SAMMSON: variants seen among roughly 807,000 people sequenced by gnomAD.
SAMMSON encodes long intergenic non-protein coding RNA 1212.
intron 7 of SAMMSON, among the ~76,000 whole-genome samples, chr3:70,295,546 G>A (rs1399237338): frequency 6.6e-6 from 1 of 151,970 alleles, no homozygotes; most frequent in Non-Finnish European, 1.5e-5. Flanking sequence ...CTACAAAAAA[G>A]TTAAAAATGA....
chr3:70,181,223 G>A (rs578145439), intron 4 of SAMMSON, among the ~76,000 whole-genome samples: 13 of 152,312 alleles, frequency 8.5e-5, no homozygotes, highest in African/African-American at 3.1e-4. Context: ...CACAGAAAAG[G>A]ATCCAATTTT....
At chr3:70,199,859 T>C (rs577984520) in intron 4 of SAMMSON, among the ~76,000 whole-genome samples, 15 of 152,312 alleles carry the variant, frequency 9.8e-5, no homozygotes, top group Admixed American at 3.3e-4. Flanking sequence ...GTATACCATA[T>C]ATGCTATTGC....
At chr3:70,359,556 G>A (rs1459041550) in intron 9 of SAMMSON, among the ~76,000 whole-genome samples, 2 of 152,080 alleles carry the variant, frequency 1.3e-5, no homozygotes, top group Non-Finnish European at 1.5e-5. Flanking sequence ...GCGCTTAAAT[G>A]TTTGTAATAA....
intron 4 of SAMMSON, among the ~76,000 whole-genome samples, chr3:70,083,055 T>C (rs2067272434): frequency 6.6e-6 from 1 of 152,176 alleles, no homozygotes; most frequent in African/African-American, 2.4e-5. Flanking sequence ...GAAGTAATCT[T>C]CGTTGTCATT....
At chr3:70,170,055 A>G (rs1393820787) in intron 4 of SAMMSON, among the ~76,000 whole-genome samples, 1 of 151,950 alleles carries the variant, frequency 6.6e-6, no homozygotes, top group Non-Finnish European at 1.5e-5. Context: ...AGTTATGTGT[A>G]TTAAATACTG....
chr3:70,215,176 T>G (rs1701394303), intron 4 of SAMMSON, among the ~76,000 whole-genome samples: 1 of 152,174 alleles, frequency 6.6e-6, no homozygotes. Flanking sequence ...ACAACAGTTT[T>G]GCAAAGTATT....
chr3:70,414,784 A>G (rs1340848506), intron 2 of SAMMSON, among the ~76,000 whole-genome samples: 1 of 152,182 alleles, frequency 6.6e-6, no homozygotes, highest in Admixed American at 6.5e-5. Context: ...AGTGAACCTC[A>G]TCTACCTCAT....
rs1278515720 is a variant in SAMMSON, at chr3:70,028,097, C to CTTCT, written n.417+14428_417+14429insTTTC. Among the ~76,000 whole-genome samples, 35 of 150,904 alleles carry CTTCT rather than the reference C, an allele frequency of 2.3e-4. 1 individual carries two copies. The highest frequency in any genetic ancestry group is 8.1e-4 in the African/African-American group (33 of 40,762). On this transcript the variant is annotated intron_variant and non_coding_transcript_variant, in intron 3 of 9. Transcript: ENST00000642114. The stretch of plus-strand genomic sequence containing the variant: ...CCTGCCTTCCTTCTTTCCTTCCTTC[C>CTTCT]TTCCTTCCTTCCTTCCCTTCCTTCC...
At chr3:70,239,130 A>G (rs1444649635) in intron 4 of SAMMSON, among the ~76,000 whole-genome samples, 1 of 152,188 alleles carries the variant, frequency 6.6e-6, no homozygotes, top group Non-Finnish European at 1.5e-5. Context: ...CTGGTCTTTC[A>G]TCAGTTCTAT....
intron 4 of SAMMSON, among the ~76,000 whole-genome samples, chr3:70,190,073 C>T (rs1701119770): frequency 6.6e-6 from 1 of 152,294 alleles, no homozygotes; most frequent in Middle Eastern, 3.4e-3. Context: ...TGACTTTCCA[C>T]TTGGAATAGA....
At chr3:70,303,724 C>T (rs1702372691) in intron 7 of SAMMSON, among the ~76,000 whole-genome samples, 2 of 152,036 alleles carry the variant, frequency 1.3e-5, no homozygotes, top group South Asian at 4.2e-4. Flanking sequence ...CTCTGTTGCC[C>T]AGGCTGAAGT....
intron 2 of SAMMSON, among the ~76,000 whole-genome samples, chr3:70,427,264 T>C (rs939913804): frequency 1.3e-5 from 2 of 152,216 alleles, no homozygotes; most frequent in African/African-American, 4.8e-5. Context: ...TTCATTGTTG[T>C]AGTCATCTGC....
intron 1 of SAMMSON, among the ~76,000 whole-genome samples, chr3:70,007,606 CTGAT>C (rs1001738322): frequency 1.3e-5 from 2 of 151,742 alleles, no homozygotes; most frequent in African/African-American, 4.9e-5. Context: ...CATGTTCACT[CTGAT>C]TGTAGTTTTT....
intron 4 of SAMMSON, among the ~76,000 whole-genome samples, chr3:70,202,842 G>A (rs1185537442): frequency 1.3e-5 from 2 of 152,206 alleles, no homozygotes; most frequent in Middle Eastern, 3.4e-3. Flanking sequence ...GGCTAATTAG[G>A]AGGGAGAATC....
chr3:70,401,509 A>C (rs892763981), intron 2 of SAMMSON, among the ~76,000 whole-genome samples: 12 of 152,238 alleles, frequency 7.9e-5, no homozygotes, highest in African/African-American at 2.9e-4. Flanking sequence ...TCTCGAAATA[A>C]TATGAAAATG....
intron 4 of SAMMSON, among the ~76,000 whole-genome samples, chr3:70,092,370 G>A (rs2067307917): frequency 1.3e-5 from 2 of 151,410 alleles, no homozygotes; most frequent in South Asian, 2.1e-4. Flanking sequence ...CCACCTTTGG[G>A]TCATCAGTTG....
At chr3:70,180,643 G>A (rs2106705163) in intron 4 of SAMMSON, among the ~76,000 whole-genome samples, 1 of 152,230 alleles carries the variant, frequency 6.6e-6, no homozygotes, top group African/African-American at 2.4e-5. Context: ...TGAGCCTTCA[G>A]ATATGCTATA....
intron 4 of SAMMSON, among the ~76,000 whole-genome samples, chr3:70,100,069 T>C (rs1409776633): frequency 6.6e-6 from 1 of 152,200 alleles, no homozygotes; most frequent in African/African-American, 2.4e-5. Context: ...AAGGCTCAGC[T>C]ACAGAGTCCA....
At chr3:70,041,227 T>G (rs2067105262) in intron 3 of SAMMSON, among the ~76,000 whole-genome samples, 1 of 152,132 alleles carries the variant, frequency 6.6e-6, no homozygotes, top group Non-Finnish European at 1.5e-5. Context: ...AGACATTTTG[T>G]TGTATGCTCC....
Sources: gnomAD v4.1 joint callset for allele counts (sites outside exome capture counted in the v4.1 genomes callset) on GRCh38, gnomAD v4.1.1 for gene constraint, MANE v1.5 for transcripts, NCBI Gene and HGNC (gene_info 2026-07-23, HGNC 2026-07-21) for gene names.